The following SAMD12 variants were observed in gnomAD, a reference collection of about 807,000 sequenced individuals.
SAMD12 encodes sterile alpha motif domain-containing protein 12.
In SAMD12, 9 loss-of-function variants were observed where a neutral mutation model predicts 15.0. The observed-to-expected ratio is 0.60, with a 90% CI of 0.36 to 1.05. The LOEUF is 1.05. Among genes scored for constraint, SAMD12 ranks in the 50% least tolerant of loss-of-function variants. The pLI, the probability that SAMD12 is intolerant of heterozygous loss-of-function variation, is 0.01. For synonymous variants in SAMD12, 86 were observed against 90.1 expected (o/e 0.96, Z 0.25); for missense variants, 230 against 234.2 (o/e 0.98, Z 0.12).
rs539729392 is a variant in SAMD12 at position 118,473,985 on chromosome 8, G to A, written c.193-34024C>T. 3.3e-5 allele frequency among the ~76,000 whole-genome samples: 5 copies of A among 152,318 alleles called. No individual in the cohort carries two copies. The East Asian group carries it at 9.6e-4, about 29-fold the overall frequency. ...TTTGTTGTTTGTTTTTTGAGATGCA[G>A]TCTCATTCTATAGCCCAGGCTGGAA... On this transcript the variant is annotated intron_variant, in intron 2 of 3. Transcript: ENST00000314727.
At chr8:118,505,809 T>G (rs987991536) in intron 2 of SAMD12, among the ~76,000 whole-genome samples, 3 of 152,078 alleles carry the variant, frequency 2.0e-5, no homozygotes, top group Admixed American at 2.0e-4. Context: ...ATTCACTTAA[T>G]TACTAGAACT....
At chr8:118,401,160 T>A (rs1260571810) in intron 3 of SAMD12, among the ~76,000 whole-genome samples, 1 of 152,242 alleles carries the variant, frequency 6.6e-6, no homozygotes, top group Non-Finnish European at 1.5e-5. Context: ...ATACAAAGCA[T>A]CCAGATCATT....
At chr8:118,433,752 G>T (rs1822492026) in intron 3 of SAMD12, among the ~76,000 whole-genome samples, 1 of 151,984 alleles carries the variant, frequency 6.6e-6, no homozygotes, top group Non-Finnish European at 1.5e-5. Flanking sequence ...ACACAAAAAA[G>T]AAATGTGAAA....
At chr8:118,315,618 G>A (rs938250726) in intron 4 of SAMD12, among the ~76,000 whole-genome samples, 23 of 152,056 alleles carry the variant, frequency 1.5e-4, no homozygotes, top group Admixed American at 9.8e-4. Context: ...GAGGGCTCGG[G>A]ATAAGTGTCT....
chr8:118,165,633 T>A, the SAMD12 span, among the ~76,000 whole-genome samples: 1 of 121,562 alleles, frequency 8.2e-6, no homozygotes, highest in African/African-American at 3.4e-5. Context: ...TATATATATA[T>A]ATACATATAT....
intron 4 of SAMD12, among the ~76,000 whole-genome samples, chr8:118,227,820 T>C (rs1812220641): frequency 6.6e-6 from 1 of 152,128 alleles, no homozygotes; most frequent in African/African-American, 2.4e-5. Flanking sequence ...GACTTAGACA[T>C]AGCCAAAGCA....
intron 4 of SAMD12, among the ~76,000 whole-genome samples, chr8:118,357,328 C>T (rs1348532886): frequency 6.6e-6 from 1 of 152,172 alleles, no homozygotes; most frequent in Non-Finnish European, 1.5e-5. Flanking sequence ...ACCTCTGCCT[C>T]TTGGGCTCAA....
rs552198735 is a variant in SAMD12, at chr8:118,378,832, T to G, written c.*585A>C. On this transcript the variant is annotated 3_prime_UTR_variant, in exon 4 of 4. Transcript: ENST00000314727. ...TTAAGGCTTTCTTCGAATTCTAGCT[T>G]TATTTTGTCACTTCCACAGTTATTG... 1.0e-6 allele frequency: 1 copy of G among 985,350 alleles called. No individual in the cohort carries two copies. The highest frequency in any genetic ancestry group is 4.7e-5 in the South Asian group (1 of 21,282). 61.0% of individuals were successfully genotyped at this position (985,350 alleles called of 1,614,324 possible). A position where few individuals can be genotyped will look rare whatever the true frequency, so the allele number is the denominator to read the frequency against.
chr8:118,301,643 A>G (rs981094684), intron 4 of SAMD12, among the ~76,000 whole-genome samples: 1 of 152,240 alleles, frequency 6.6e-6, no homozygotes, highest in African/African-American at 2.4e-5. Flanking sequence ...ATTATTCTTC[A>G]GAACTGCTAA....
chr8:118,297,409 T>C (rs1443283486), intron 4 of SAMD12, among the ~76,000 whole-genome samples: 1 of 152,120 alleles, frequency 6.6e-6, no homozygotes. Flanking sequence ...ACCCAAATGT[T>C]TAAGGGAAGG....
At chr8:118,295,351 G>T (rs1302496422) in intron 4 of SAMD12, among the ~76,000 whole-genome samples, 1 of 152,124 alleles carries the variant, frequency 6.6e-6, no homozygotes, top group African/African-American at 2.4e-5. Flanking sequence ...AATATGTATA[G>T]ATAACATTTT....
At chr8:118,297,392 A>T (rs1326328869) in intron 4 of SAMD12, among the ~76,000 whole-genome samples, 2 of 152,190 alleles carry the variant, frequency 1.3e-5, no homozygotes, top group Non-Finnish European at 2.9e-5. Context: ...ACTCAAAAAG[A>T]AGAGTTACCC....
chr8:118,423,633 A>C (rs1822115500), intron 3 of SAMD12, among the ~76,000 whole-genome samples: 2 of 152,082 alleles, frequency 1.3e-5, no homozygotes, highest in Admixed American at 1.3e-4. Context: ...TTACCTGCAC[A>C]TATAAGATGT....
At chr8:118,295,493 T>C (rs1030810951) in intron 4 of SAMD12, among the ~76,000 whole-genome samples, 1 of 152,176 alleles carries the variant, frequency 6.6e-6, no homozygotes, top group Non-Finnish European at 1.5e-5. Context: ...TGTGTAATTC[T>C]ACATATGAAA....
downstream of SAMD12, among the ~76,000 whole-genome samples, chr8:118,375,504 A>T (rs975955797): frequency 2.0e-5 from 3 of 152,184 alleles, no homozygotes; most frequent in African/African-American, 7.2e-5. Context: ...TATGAGGTTG[A>T]TTAAATTGCG....
intron 2 of SAMD12, among the ~76,000 whole-genome samples, chr8:118,440,684 AC>A (rs1822720920): frequency 2.0e-5 from 3 of 149,028 alleles, no homozygotes; most frequent in African/African-American, 5.1e-5. Flanking sequence ...ACACACACAC[AC>A]ACACACACAC....
intron 2 of SAMD12, among the ~76,000 whole-genome samples, chr8:118,519,536 A>G (rs973299488): frequency 6.6e-6 from 1 of 152,210 alleles, no homozygotes; most frequent in African/African-American, 2.4e-5. Flanking sequence ...CATCCATTCT[A>G]AAGTACATAG....
chr8:118,146,913 A>G, the SAMD12 span, among the ~76,000 whole-genome samples: 1 of 152,244 alleles, frequency 6.6e-6, no homozygotes, highest in South Asian at 2.1e-4. Flanking sequence ...TATAATGATT[A>G]TTGAGGACAG....
intron 3 of SAMD12, among the ~76,000 whole-genome samples, chr8:118,385,049 C>T (rs1450782725): frequency 3.3e-5 from 5 of 152,196 alleles, no homozygotes; most frequent in South Asian, 2.1e-4. Flanking sequence ...AGAGTTTTGC[C>T]GCAATCTGAA....
Sources: allele counts gnomAD v4.1 joint callset (sites outside exome capture counted in the v4.1 genomes callset), GRCh38; gene constraint gnomAD v4.1.1; transcripts MANE v1.5; gene names NCBI Gene and HGNC (gene_info 2026-07-23, HGNC 2026-07-21).